Variants in FAT2 observed in about 807,000 individuals in gnomAD.
FAT2 encodes protocadherin Fat 2.
A neutral mutation model predicts 295.3 loss-of-function variants in FAT2; 150 were observed. The ratio of observed to expected loss-of-function variants is 0.51; its 90% CI spans 0.44 to 0.58. The LOEUF is 0.58. Among genes scored for constraint, FAT2 ranks in the 20% least tolerant of loss-of-function variants. The pLI, the probability that FAT2 is intolerant of heterozygous loss-of-function variation, is 0.00. For synonymous variants in FAT2, 2,026 were observed against 2,150.3 expected (o/e 0.94, Z 1.60); for missense variants, 4,868 against 5,442.7 (o/e 0.89, Z 3.32).
intron 1 of FAT2, among the ~76,000 whole-genome samples, chr5:151,588,876 T>G (rs1759288980): frequency 6.6e-6 from 1 of 152,142 alleles, no homozygotes; most frequent in Non-Finnish European, 1.5e-5. Context: ...ACCCCCTCAT[T>G]TCTCACATCA....
At position 151,509,733 on chromosome 5, in the gene FAT2, A is replaced by G. The variant is rs1761170375; in HGVS notation, c.12059+288T>C. 1.9e-5 allele frequency: 6 copies of G among 307,828 alleles called. No individual in the cohort carries two copies. In the East Asian group the frequency reaches 3.7e-4, roughly 19 times the overall value. 19.1% of individuals were successfully genotyped at this position (307,828 alleles called of 1,614,324 possible). ...TTGTATAATTACTTCATTATATATT[A>G]CAATGTAATAATAATAGAAATAAAG... On this transcript the variant is annotated intron_variant, in intron 22 of 23. Coordinates refer to ENST00000261800, the MANE Select transcript of FAT2 (RefSeq NM_001447.3).
In FAT2 at chr5:151,568,580, T is replaced by C; in HGVS notation, c.352A>G (p.Ile118Val). Residue 118 changes from isoleucine to valine, a missense_variant, in exon 2 of 24, where the codon ATC becomes GTC. Around this residue, in one of 5 missense-constraint regions of FAT2, gnomAD observed 3,297 missense variants for 3,669.4 expected, o/e 0.90. Transcript: ENST00000261800. ...NREVRDSYTL[I>V]IQATEKTLEL... ...AAGGTCTTCTCTGTGGCTTGGATGA[T>C]GAGGGTGTAGCTGTCTCGCACCTCT... 6.2e-7 allele frequency: 1 copy of C among 1,614,186 alleles called. No individual in the cohort carries two copies. Among genetic ancestry groups the C allele is most frequent in the East Asian group, 2.2e-5 (1 of 44,882 alleles).
intron 8 of FAT2, 129 bp downstream of exon 8, chr5:151,550,461 A>T (rs1486072372): frequency 9.3e-7 from 1 of 1,079,932 alleles, no homozygotes; most frequent in African/African-American, 1.6e-5. Context: ...CCAGCTGTGA[A>T]ATGTCACAAC....
At position 151,542,922 on chromosome 5, in the gene FAT2, G is replaced by A. The variant is rs1180340993; in HGVS notation, c.8205C>T (p.Asn2735=). The A allele has an allele frequency of 6.2e-7, 1 of 1,614,194 alleles. No individual in the cohort carries two copies. The highest frequency in any genetic ancestry group is 2.2e-5 in the East Asian group (1 of 44,890). Residue 2735 remains asparagine (N), a synonymous_variant, in exon 10 of 24, where the codon AAC becomes AAT. Transcript: ENST00000261800. ...GGTCTAGGGAGAAGACACCATCCTT[G>A]TTGCTCTCAGGTGTAGTGCCCCGCA... The part of the protein sequence containing the change: ...SLVRGTTPES[N]KDGVFSLDPD...
Position 151,551,617 on chromosome 5 carries a change from A to C in FAT2, c.4157-11T>G. On this transcript the variant is annotated splice_polypyrimidine_tract_variant and intron_variant, in intron 6 of 23. Transcript: ENST00000261800. ...TGTCCTTATCCCCACCTAGAGTGGG[A>C]GTGGGGAGAAAGCACACACAACCTC... 1 of 1,613,728 alleles carries C rather than the reference A, an allele frequency of 6.2e-7. No individual in the cohort carries two copies. The highest frequency in any genetic ancestry group is 8.5e-7 in the Non-Finnish European group (1 of 1,179,786).
chr5:151,511,082 C>CGG (rs1761285705), intron 21 of FAT2: 1 of 152,502 alleles, frequency 6.6e-6, no homozygotes, highest in African/African-American at 2.4e-5. Flanking sequence ...GGTGGAAGGC[C>CGG]GGGATAGAAG....
At chr5:151,538,740 C>T (rs532969548) in intron 11 of FAT2, among the ~76,000 whole-genome samples, 11 of 152,244 alleles carry the variant, frequency 7.2e-5, no homozygotes, top group Admixed American at 2.0e-4. Context: ...TGCAGTGGCA[C>T]GATCTTGGCT....
In FAT2 at chr5:151,505,267, C is replaced by T; in HGVS notation, c.*298G>A. The T allele has an allele frequency of 2.2e-6, 1 of 451,162 alleles. No individual in the cohort carries two copies. Among genetic ancestry groups the T allele is most frequent in the Non-Finnish European group, 3.9e-6 (1 of 254,216 alleles). 27.9% of individuals were successfully genotyped at this position (451,162 alleles called of 1,614,324 possible). On this transcript the variant is annotated 3_prime_UTR_variant, in exon 24 of 24. Coordinates refer to ENST00000261800, the MANE Select transcript of FAT2 (RefSeq NM_001447.3). ...GACTGAGAGCCGGCAGATCAGGGAGCCCTCCTGTCTCTCGCCCACCCCGGG... is the reference window on the plus strand; with the variant it reads ...GACTGAGAGCCGGCAGATCAGGGAGTCCTCCTGTCTCTCGCCCACCCCGGG...
At chr5:151,584,311 G>C (rs913481896) in intron 1 of FAT2, among the ~76,000 whole-genome samples, 21 of 152,242 alleles carry the variant, frequency 1.4e-4, no homozygotes, top group African/African-American at 5.1e-4. Flanking sequence ...ACAATGGCAA[G>C]CCCACTTTCC....
chr5:151,564,311 C>T (rs964386986), intron 2 of FAT2, among the ~76,000 whole-genome samples: 10 of 152,284 alleles, frequency 6.6e-5, no homozygotes, highest in African/African-American at 1.7e-4. Flanking sequence ...CAGAGACGAC[C>T]GCTGGGGAAA....
chr5:151,582,011 G>A (rs1758975589), intron 1 of FAT2, among the ~76,000 whole-genome samples: 1 of 152,232 alleles, frequency 6.6e-6, no homozygotes, highest in South Asian at 2.1e-4. Flanking sequence ...TTAGGACAAA[G>A]CCAGGCAGGC....
chr5:151,563,589 A>C lies in FAT2; in HGVS notation c.3310T>G (p.Trp1104Gly). The change falls in exon 3 of 24, where the codon TGG (tryptophan) becomes GGG (glycine). Residue 1104 changes from tryptophan to glycine, a missense_variant. Trp to Gly is a radical substitution (Grantham distance 184). This residue lies in a region of FAT2 where 3,297 missense variants were observed against 3,669.4 expected (regional missense o/e 0.90). Coordinates refer to ENST00000261800, the MANE Select transcript of FAT2 (RefSeq NM_001447.3). Reference protein sequence around the residue: ...PLDREFASYYWLTVLAVDRGS... With the variant: ...PLDREFASYYGLTVLAVDRGS... ...CTGTCCACTGCTAATACCGTCAACC[A>C]GTAGTAAGATGCAAATTCTCGGTCC... The C allele has an allele frequency of 6.2e-7, 1 of 1,614,210 alleles. No homozygotes were observed. The highest frequency in any genetic ancestry group is 8.5e-7 in the Non-Finnish European group (1 of 1,180,028).
intron 1 of FAT2, among the ~76,000 whole-genome samples, chr5:151,581,414 C>G (rs1239369222): frequency 1.3e-5 from 2 of 152,180 alleles, no homozygotes; most frequent in Non-Finnish European, 2.9e-5. Flanking sequence ...AGCAAATTCC[C>G]TCATTTCATG....
At position 151,551,193 on chromosome 5, in the gene FAT2, A is replaced by G. The variant is rs116772053; in HGVS notation, c.4296+274T>C. Among the ~76,000 whole-genome samples the G allele has an allele frequency of 9.4e-3, 1,433 of 152,256 alleles. 19 individuals carry two copies. Among genetic ancestry groups the G allele is most frequent in the African/African-American group, 0.033 (1,372 of 41,558 alleles). On this transcript the variant is annotated intron_variant, in intron 7 of 23. Coordinates refer to ENST00000261800, the MANE Select transcript of FAT2 (RefSeq NM_001447.3). ...AATTCAGAGCCCCACTTACCCAACC[A>G]TCATCCCCCTATACCCATAGTAGCC...
Position 151,566,960 on chromosome 5 carries a change from C to G in FAT2, c.1972G>C (p.Val658Leu). 13 of 1,614,090 alleles carry G rather than the reference C, an allele frequency of 8.1e-6. No individual in the cohort carries two copies. The highest frequency in any genetic ancestry group is 9.3e-6 in the Non-Finnish European group (11 of 1,179,986). The change falls in exon 2 of 24, where the codon GTG becomes CTG. Residue 658 changes from valine to leucine, a missense_variant. Around this residue, in one of 5 missense-constraint regions of FAT2, gnomAD observed 3,297 missense variants for 3,669.4 expected, o/e 0.90. Transcript: ENST00000261800. ...YASPTTLNIT[V>L]VKDPHFEVPV... Reference sequence around the variant, plus strand: ...ACTTCAAAATGAGGGTCCTTCACCACAGTAATATTCAAAGTTGTGGGTGAG... The same window carrying G: ...ACTTCAAAATGAGGGTCCTTCACCAGAGTAATATTCAAAGTTGTGGGTGAG...
intron 23 of FAT2, 63 bp downstream of exon 23, chr5:151,507,091 G>A: frequency 1.4e-6 from 2 of 1,407,740 alleles, no homozygotes; most frequent in Middle Eastern, 1.9e-4. Flanking sequence ...AGATAACGGA[G>A]TGTTTAGAAC....
chr5:151,586,663 C>T (rs1288568558), intron 1 of FAT2, among the ~76,000 whole-genome samples: 1 of 152,204 alleles, frequency 6.6e-6, no homozygotes, highest in African/African-American at 2.4e-5. Context: ...ACTCCTTTAA[C>T]AGTCCTCCAA....
rs568119606 is a variant in FAT2 at position 151,530,986 on chromosome 5, G to A, written c.9811+601C>T. Among the ~76,000 whole-genome samples the A allele has an allele frequency of 1.4e-3, 207 of 152,326 alleles. 2 individuals are homozygous for A. The highest frequency in any genetic ancestry group is 4.5e-3 in the African/African-American group (188 of 41,558). On this transcript the variant is annotated intron_variant, in intron 14 of 23. Coordinates refer to ENST00000261800, the MANE Select transcript of FAT2 (RefSeq NM_001447.3). Reference sequence around the variant, plus strand: ...GAGAGCACCATTCCAGGGGAGCCATGGGGAGGAATCTGTGTGAGACACAGG... The same window carrying A: ...GAGAGCACCATTCCAGGGGAGCCATAGGGAGGAATCTGTGTGAGACACAGG...
At chr5:151,563,721 A>C in intron 2 of FAT2, 82 bp from the exon 3 acceptor site, 1 of 1,120,872 alleles carries the variant, frequency 8.9e-7, no homozygotes, top group Non-Finnish European at 1.3e-6. Flanking sequence ...CCATTCCCCA[A>C]ACCGCACTGT....
Sources: gnomAD v4.1 joint callset for allele counts (sites outside exome capture counted in the v4.1 genomes callset) on GRCh38, gnomAD v4.1.1 for gene constraint, gnomAD v4.1.1 regional missense constraint, MANE v1.5 for transcripts, NCBI Gene and HGNC (gene_info 2026-07-23, HGNC 2026-07-21) for gene names.